The following CSMD3 variants were observed in gnomAD, a reference collection of about 807,000 sequenced individuals.
The protein encoded by CSMD3 is CUB and Sushi multiple domains 3, also known as CUB and sushi domain-containing protein 3.
Under a neutral mutation model 435.2 loss-of-function variants are expected in CSMD3, and 177 were observed. That is an observed-to-expected ratio of 0.41 (90% CI 0.36 to 0.46). The LOEUF (loss-of-function observed/expected upper bound fraction) is 0.46. Among genes scored for constraint, CSMD3 ranks in the 20% least tolerant of loss-of-function variants. The probability of loss-of-function intolerance (pLI) is 0.34; values close to 1 mark genes in which losing one functional copy is unlikely to be tolerated. For synonymous variants in CSMD3, 1,656 were observed against 1,520.5 expected, an observed-to-expected ratio of 1.09 and a Z score of -2.07; for missense variants, 4,265 against 4,504.6, an observed-to-expected ratio of 0.95 and a Z score of 1.52.
At chr8:113,422,584 C>T (rs1445563417) in intron 1 of CSMD3, among the ~76,000 whole-genome samples, 1 of 152,036 alleles carries the variant, frequency 6.6e-6, no homozygotes, top group Non-Finnish European at 1.5e-5. Context: ...ATGGAGGCAA[C>T]ACAATATCAC....
intron 27 of CSMD3, among the ~76,000 whole-genome samples, chr8:112,542,329 A>G (rs2131144432): frequency 6.6e-6 from 1 of 151,342 alleles, no homozygotes; most frequent in Non-Finnish European, 1.5e-5. Flanking sequence ...AAAGAAAAAC[A>G]AAAGGCCTCC....
intron 32 of CSMD3, among the ~76,000 whole-genome samples, chr8:112,459,370 G>A (rs1434725537): frequency 1.8e-5 from 2 of 108,238 alleles, no homozygotes; most frequent in Non-Finnish European, 4.1e-5. Flanking sequence ...GGGGGGGGGG[G>A]TTTATTCAAT....
Position 113,090,356 on chromosome 8 carries a change from T to C in CSMD3, c.917+8400A>G, listed in dbSNP as rs190254680. ...TATTCAGAAAATTGTCTTATTAAGATGAAAAAATTTGAAATATTTGTTTAT... is the reference window on the plus strand; with the variant it reads ...TATTCAGAAAATTGTCTTATTAAGACGAAAAAATTTGAAATATTTGTTTAT... On this transcript the variant is annotated intron_variant, in intron 5 of 70. Transcript: ENST00000297405. 7.9e-3 allele frequency among the ~76,000 whole-genome samples: 1,203 copies of C among 151,586 alleles called. 5 individuals are homozygous for C. The highest frequency in any genetic ancestry group is 0.014 in the Middle Eastern group (4 of 294).
In CSMD3 at chr8:112,287,898, G is replaced by A. The variant is rs536141204; in HGVS notation, c.9149-652C>T. Among the ~76,000 whole-genome samples the A allele has an allele frequency of 8.5e-5, 13 of 152,078 alleles. No individual in the cohort carries two copies. The East Asian group carries it at 9.7e-4, about 11-fold the overall frequency. On this transcript the variant is annotated intron_variant, in intron 57 of 70. Coordinates refer to ENST00000297405, the MANE Select transcript of CSMD3 (RefSeq NM_198123.2). The stretch of plus-strand genomic sequence containing the variant: ...ATAAGAATATTGCTCATAACTAGGC[G>A]TTCATCTTTTGATTTTAGTGTTAAA...
chr8:112,385,640 G>T (rs1055374564), intron 36 of CSMD3, among the ~76,000 whole-genome samples: 1 of 152,284 alleles, frequency 6.6e-6, no homozygotes, highest in African/African-American at 2.4e-5. Context: ...ATTGGAGGCA[G>T]GAGTAGTAAA....
At chr8:113,315,457 C>T (rs1301710428) in intron 1 of CSMD3, among the ~76,000 whole-genome samples, 1 of 151,854 alleles carries the variant, frequency 6.6e-6, no homozygotes, top group Admixed American at 6.6e-5. Context: ...GGACAACTGA[C>T]AGCACCCATC....
At chr8:112,650,082 T>C in intron 19 of CSMD3, 79 bp downstream of exon 19, 1 of 1,012,332 alleles carries the variant, frequency 9.9e-7, no homozygotes, top group Non-Finnish European at 1.6e-6. Flanking sequence ...TTTATAATTA[T>C]GTTAAACCCC....
At chr8:112,443,638 T>C (rs1331591337) in intron 32 of CSMD3, among the ~76,000 whole-genome samples, 1 of 152,044 alleles carries the variant, frequency 6.6e-6, no homozygotes, top group Non-Finnish European at 1.5e-5. Context: ...AAAAGTAAAA[T>C]GAGTAGAGAA....
intron 8 of CSMD3, among the ~76,000 whole-genome samples, chr8:112,950,590 T>C (rs959164861): frequency 2.0e-5 from 3 of 151,986 alleles, no homozygotes; most frequent in African/African-American, 7.2e-5. Context: ...CCAGAACTAT[T>C]CTACATACTT....
intron 1 of CSMD3, among the ~76,000 whole-genome samples, chr8:113,348,230 T>C (rs1001807448): frequency 2.0e-5 from 3 of 152,208 alleles, no homozygotes; most frequent in African/African-American, 4.8e-5. Context: ...GTTGCTCTTC[T>C]AAATTGTTTG....
chr8:113,003,266 G>T (rs1322179447), intron 6 of CSMD3, among the ~76,000 whole-genome samples: 1 of 151,462 alleles, frequency 6.6e-6, no homozygotes, highest in African/African-American at 2.4e-5. Context: ...TAAATAAATA[G>T]ATAAATAAAT....
intron 10 of CSMD3, among the ~76,000 whole-genome samples, chr8:112,906,527 T>G (rs959200410): frequency 6.6e-5 from 10 of 151,536 alleles, no homozygotes; most frequent in African/African-American, 2.2e-4. Context: ...TCTTACCTAT[T>G]TTTTTCTAGC....
chr8:113,007,432 G>A (rs1031573649), intron 6 of CSMD3, among the ~76,000 whole-genome samples: 30 of 151,920 alleles, frequency 2.0e-4, no homozygotes, highest in Non-Finnish European at 1.5e-5. Context: ...GACATAGAGA[G>A]CAAGACACTA....
rs539004215 is a variant in CSMD3 at position 113,387,715 on chromosome 8, C to T, written c.178+48962G>A. On this transcript the variant is annotated intron_variant, in intron 1 of 70. Transcript: ENST00000297405. ...ATTGGCAGAAAAGGGGGATGAGGAA[C>T]AAGAAGGGAAAAAGAAGAGGAAGTA... 2.6e-3 allele frequency among the ~76,000 whole-genome samples: 395 copies of T among 150,492 alleles called. 1 individual carries two copies. The highest frequency in any genetic ancestry group is 4.5e-3 in the Non-Finnish European group (304 of 67,262).
chr8:113,408,629 A>G (rs1012620369), intron 1 of CSMD3, among the ~76,000 whole-genome samples: 25 of 152,096 alleles, frequency 1.6e-4, no homozygotes, highest in African/African-American at 6.0e-4. Flanking sequence ...CACAGTTACA[A>G]TAGTTACATT....
At chr8:113,171,619 GA>G (rs768288812) in intron 4 of CSMD3, among the ~76,000 whole-genome samples, 1 of 151,898 alleles carries the variant, frequency 6.6e-6, no homozygotes, top group African/African-American at 2.4e-5. Flanking sequence ...CAATTATAAA[GA>G]AAAGTTCTTA....
chr8:112,270,179 C>T (rs1454562841), intron 59 of CSMD3, among the ~76,000 whole-genome samples: 1 of 152,180 alleles, frequency 6.6e-6, no homozygotes, highest in Non-Finnish European at 1.5e-5. Context: ...CTTTTACCAA[C>T]ATCTCTACTA....
Position 113,327,971 on chromosome 8 carries a change from A to T in CSMD3, c.179-13178T>A, listed in dbSNP as rs2093995680. ...GTGAATGCTAAGCTGAGAGAGAACC[A>T]GTCTCTCACTTACGGATGACCTGAG... is the stretch of plus-strand genomic sequence containing the variant. On this transcript the variant is annotated intron_variant, in intron 1 of 70. Transcript: ENST00000297405. Among the ~76,000 whole-genome samples the T allele has an allele frequency of 3.3e-5, 5 of 152,152 alleles. No individual in the cohort carries two copies. In the South Asian group the frequency reaches 1.0e-3, roughly 32 times the overall value.
chr8:112,471,214 G>A (rs1818489326), intron 32 of CSMD3, among the ~76,000 whole-genome samples: 1 of 152,058 alleles, frequency 6.6e-6, no homozygotes, highest in Admixed American at 6.6e-5. Context: ...AGTATAATAC[G>A]ATAAATTAAT....
Sources: allele counts gnomAD v4.1 joint callset (sites outside exome capture counted in the v4.1 genomes callset), GRCh38; gene constraint gnomAD v4.1.1; transcripts MANE v1.5; gene names NCBI Gene and HGNC (gene_info 2026-07-23, HGNC 2026-07-21).